Variants in FMN1 observed in about 807,000 individuals in gnomAD.
The protein encoded by FMN1 is formin 1, also known as formin-1.
Under a neutral mutation model 132.4 loss-of-function variants are expected in FMN1, and 110 were observed. The ratio of observed to expected loss-of-function variants is 0.83; its 90% CI spans 0.71 to 0.97. The LOEUF (loss-of-function observed/expected upper bound fraction) is 0.97. Among genes scored for constraint, FMN1 ranks in the 50% least tolerant of loss-of-function variants. The pLI is 0.00. For missense variants in FMN1, 1,792 were observed against 1,705.3 expected, an observed-to-expected ratio of 1.05 and a Z score of -0.90; for synonymous variants, 722 against 651.7, an observed-to-expected ratio of 1.11 and a Z score of -1.64.
intron 6 of FMN1, among the ~76,000 whole-genome samples, chr15:33,034,745 T>G (rs2036111628): frequency 6.6e-6 from 1 of 152,172 alleles, no homozygotes; most frequent in Non-Finnish European, 1.5e-5. Context: ...ATATAATCTC[T>G]TGCCTGTATT....
chr15:32,865,139 A>G (rs1181976232), intron 16 of FMN1, among the ~76,000 whole-genome samples: 3 of 152,156 alleles, frequency 2.0e-5, no homozygotes, highest in Non-Finnish European at 4.4e-5. Flanking sequence ...CTAAGGGGGT[A>G]AGGGAGAAAA....
In FMN1 at chr15:32,823,110, G is replaced by GC. The variant is rs1453462840; in HGVS notation, c.3929-18779dup. 2.0e-5 allele frequency among the ~76,000 whole-genome samples: 3 copies of GC among 146,476 alleles called. No homozygotes were observed. In the East Asian group the frequency reaches 5.9e-4, roughly 29 times the overall value. On this transcript the variant is annotated intron_variant, in intron 17 of 20. Coordinates refer to ENST00000616417, the MANE Select transcript of FMN1 (RefSeq NM_001277313.2). Reference sequence around the variant, plus strand: ...TGCGCCCTTTCTCTCCTACCCACGAGCCCCCATTCATGGTCTGTCTCAAAG... The same window carrying GC: ...TGCGCCCTTTCTCTCCTACCCACGAGCCCCCCATTCATGGTCTGTCTCAAAG...
rs138610811 is a variant in FMN1, at chr15:33,076,489, AG to A, written c.2044-11416del. On this transcript the variant is annotated intron_variant, in intron 5 of 20. Coordinates refer to ENST00000616417, the MANE Select transcript of FMN1 (RefSeq NM_001277313.2). ...AGGTATCATTTCAAAATATTTTTAA[AG>A]GGGACAAAAGAAAATCTAGGGAAGG... Among the ~76,000 whole-genome samples the A allele has an allele frequency of 1.0e-2, 1,522 of 152,270 alleles. 23 individuals are homozygous for A. Among genetic ancestry groups the A allele is most frequent in the African/African-American group, 0.035 (1,453 of 41,546 alleles).
intron 7 of FMN1, among the ~76,000 whole-genome samples, chr15:32,980,878 G>T (rs529216329): frequency 6.6e-6 from 1 of 152,172 alleles, no homozygotes; most frequent in South Asian, 2.1e-4. Flanking sequence ...GCCGGGCGTG[G>T]TGATGCGTGC....
intron 6 of FMN1, among the ~76,000 whole-genome samples, chr15:33,027,963 CAAAATGA>C (rs1017997826): frequency 2.0e-5 from 3 of 152,182 alleles, no homozygotes; most frequent in Admixed American, 6.5e-5. Flanking sequence ...TTACTAGCAT[CAAAATGA>C]GAAAAGATGA....
In FMN1 at chr15:33,154,496, T is replaced by G; in HGVS notation, c.419A>C (p.Gln140Pro). 6.5e-7 allele frequency: 1 copy of G among 1,535,910 alleles called. No individual in the cohort carries two copies. The highest frequency in any genetic ancestry group is 2.0e-5 in the Admixed American group (1 of 50,992). The change falls in exon 4 of 21, where the codon CAG (glutamine) becomes CCG (proline). Residue 140 changes from glutamine (Q) to proline (P), a missense_variant. Physicochemically the swap from Gln to Pro is moderately conservative, Grantham distance 76. This residue lies in a region of FMN1 where 638 missense variants were observed against 645.2 expected (regional missense o/e 0.99). Coordinates refer to ENST00000616417, the MANE Select transcript of FMN1 (RefSeq NM_001277313.2). The stretch of plus-strand genomic sequence containing the variant: ...GAGAGGGCCCACGGGGAGCTCTCCC[T>G]GCCAGTCACCAGCACTCTGGAAACA... ...DDCFQSAGDW[Q>P]GELPVGPLNK...
At chr15:32,863,172 G>A (rs1343627957) in intron 16 of FMN1, among the ~76,000 whole-genome samples, 4 of 152,184 alleles carry the variant, frequency 2.6e-5, no homozygotes, top group Admixed American at 1.3e-4. Flanking sequence ...GGCTAGGCGC[G>A]GTGGCTCACG....
intron 4 of FMN1, among the ~76,000 whole-genome samples, chr15:33,131,043 T>C (rs1052916953): frequency 1.3e-5 from 2 of 152,112 alleles, no homozygotes; most frequent in African/African-American, 4.8e-5. Context: ...TAAAAAGCTG[T>C]ATTAGGCCGG....
chr15:33,063,489 GCT>G (rs958806680), intron 6 of FMN1: 4 of 152,080 alleles, frequency 2.6e-5, no homozygotes, highest in Non-Finnish European at 5.9e-5. Context: ...CCAGAGTAGC[GCT>G]CTCTTACTGC....
At chr15:33,078,353 G>A (rs1043994685) in intron 5 of FMN1, among the ~76,000 whole-genome samples, 1 of 152,112 alleles carries the variant, frequency 6.6e-6, no homozygotes, top group Non-Finnish European at 1.5e-5. Flanking sequence ...GTTTTGAAAT[G>A]TATTCACTAT....
At chr15:32,837,158 T>C (rs2058646811) in intron 17 of FMN1, 2 of 227,248 alleles carry the variant, frequency 8.8e-6, no homozygotes, top group African/African-American at 2.3e-5. Context: ...CTCAGGTTGA[T>C]GTGGTCCAGT....
intron 5 of FMN1, among the ~76,000 whole-genome samples, chr15:33,081,000 T>C (rs2038433351): frequency 6.6e-6 from 1 of 152,096 alleles, no homozygotes; most frequent in Admixed American, 6.5e-5. Flanking sequence ...GATGATGAGA[T>C]GATGCAGGCC....
At chr15:33,035,964 A>C (rs1176648987) in intron 6 of FMN1, among the ~76,000 whole-genome samples, 2 of 152,066 alleles carry the variant, frequency 1.3e-5, no homozygotes, top group African/African-American at 2.4e-5. Flanking sequence ...AGGAAGAGAG[A>C]CCTGTGTTTG....
intron 6 of FMN1, among the ~76,000 whole-genome samples, chr15:33,052,201 A>G (rs901426053): frequency 6.6e-6 from 1 of 152,196 alleles, no homozygotes; most frequent in African/African-American, 2.4e-5. Flanking sequence ...ATACATAACT[A>G]TGCTGGTGTC....
In FMN1 at chr15:32,777,501, AAC is replaced by A. The variant is rs1491588212; in HGVS notation, c.4131-584_4131-583del. Among the ~76,000 whole-genome samples, 16 of 144,458 alleles carry A rather than the reference AAC, an allele frequency of 1.1e-4. 3 individuals carry two copies. Among genetic ancestry groups the A allele is most frequent in the Non-Finnish European group, 2.3e-4 (15 of 66,662 alleles). 94.8% of individuals were successfully genotyped at this position (144,458 alleles called of 152,430 possible). On this transcript the variant is annotated intron_variant, in intron 19 of 20. Transcript: ENST00000616417. ...TATATTATATTTATATATTACGTAT[AAC>A]ATATAACACATTTATATATTACGTA...
chr15:32,891,214 C>G (rs750974899), intron 15 of FMN1, among the ~76,000 whole-genome samples: 11 of 152,112 alleles, frequency 7.2e-5, no homozygotes, highest in East Asian at 3.9e-4. Context: ...TCTTGGCTCC[C>G]GCCACGTGGG....
intron 7 of FMN1, among the ~76,000 whole-genome samples, chr15:32,974,779 CT>C (rs1415315766): frequency 1.5e-5 from 2 of 135,974 alleles, no homozygotes; most frequent in African/African-American, 5.0e-5. Flanking sequence ...TCAATGGGTT[CT>C]TTTGGCAATG....
chr15:32,790,200 C>T (rs1179488824), intron 19 of FMN1, among the ~76,000 whole-genome samples: 1 of 152,218 alleles, frequency 6.6e-6, no homozygotes, highest in East Asian at 1.9e-4. Flanking sequence ...TTCCTCCAAA[C>T]GCATGTTCAG....
intron 6 of FMN1, among the ~76,000 whole-genome samples, chr15:33,043,296 G>A (rs984825124): frequency 6.6e-6 from 1 of 152,176 alleles, no homozygotes; most frequent in Non-Finnish European, 1.5e-5. Context: ...ATAACAAATG[G>A]AGGTGTAAAC....
Sources: allele counts gnomAD v4.1 joint callset (sites outside exome capture counted in the v4.1 genomes callset), GRCh38; gene constraint gnomAD v4.1.1; regional missense constraint gnomAD v4.1.1; transcripts MANE v1.5; gene names NCBI Gene and HGNC (gene_info 2026-07-23, HGNC 2026-07-21).